Variants in ACER1 observed in about 807,000 individuals in gnomAD.
ACER1 encodes the protein CTB-180A7.3.
In ACER1, 28 loss-of-function variants were observed where a neutral mutation model predicts 24.9. The observed-to-expected ratio is 1.13, with a 90% CI of 0.83 to 1.54. The LOEUF is 1.54. ACER1 is among the 40% of genes most tolerant of loss of function. The probability of loss-of-function intolerance (pLI) is 0.00; values close to 1 mark genes in which losing one functional copy is unlikely to be tolerated. For missense variants in ACER1, 352 were observed against 349.3 expected (o/e 1.01, Z -0.06); for synonymous variants, 132 against 131.4 (o/e 1.00, Z -0.03).
the ACER1 span, among the ~76,000 whole-genome samples, chr19:6,346,519 C>CTT: frequency 1.8e-4 from 23 of 130,932 alleles, no homozygotes; most frequent in Admixed American, 3.1e-4. Context: ...TTTTTCTTTT[C>CTT]TTTTTTTTTT....
chr19:6,350,744 C>G, the ACER1 span, among the ~76,000 whole-genome samples: 2 of 152,084 alleles, frequency 1.3e-5, no homozygotes, highest in Non-Finnish European at 2.9e-5. Flanking sequence ...GGGGGTTGTT[C>G]TCTGTTTTCT....
chr19:6,344,935 G>A, the ACER1 span, among the ~76,000 whole-genome samples: 3 of 150,424 alleles, frequency 2.0e-5, no homozygotes, highest in South Asian at 2.1e-4. Flanking sequence ...GCACGATCTC[G>A]GCTCACTGCA....
chr19:6,358,016 G>GAGGAGTGA, the ACER1 span, among the ~76,000 whole-genome samples: 1 of 152,158 alleles, frequency 6.6e-6, no homozygotes, highest in Non-Finnish European at 1.5e-5. Flanking sequence ...GCAGCGTCCG[G>GAGGAGTGA]AGGAGTGAAG....
the ACER1 span, among the ~76,000 whole-genome samples, chr19:6,347,109 A>AAAAAAAAAAAAAAAAAAAAAAAATATAT: frequency 8.8e-6 from 1 of 113,822 alleles, no homozygotes; most frequent in African/African-American, 5.1e-5. Flanking sequence ...AAAAAAAAAA[A>AAAAAAAAAAAAAAAAAAAAAAAATATAT]ATATATATAT....
intron 1 of ACER1, among the ~76,000 whole-genome samples, chr19:6,318,790 A>AT (rs2091616348): frequency 5.1e-5 from 1 of 19,654 alleles, no homozygotes; most frequent in African/African-American, 1.6e-4. Flanking sequence ...CGTTTCAAAA[A>AT]AAATAAATAA....
In ACER1 at chr19:6,306,691, G is replaced by T; in HGVS notation, c.*23C>A. ...ACACAGGCAAGTTGTTGGGTGGTTG[G>T]ATAGTCAAGAGGCTGGCAGGTCTCA... On this transcript the variant is annotated 3_prime_UTR_variant, in exon 6 of 6. Coordinates refer to ENST00000301452, the MANE Select transcript of ACER1 (RefSeq NM_133492.3). The T allele has an allele frequency of 6.3e-7, 1 of 1,582,600 alleles. No homozygotes were observed. The highest frequency in any genetic ancestry group is 1.3e-5 in the African/African-American group (1 of 74,544).
chr19:6,320,501 C>T (rs1305866579), intron 1 of ACER1, among the ~76,000 whole-genome samples: 10 of 151,892 alleles, frequency 6.6e-5, no homozygotes, highest in Non-Finnish European at 1.0e-4. Flanking sequence ...TTAGTAGAGA[C>T]GGGGTTTCGC....
chr19:6,342,161 T>G, the ACER1 span, among the ~76,000 whole-genome samples: 1 of 152,142 alleles, frequency 6.6e-6, no homozygotes, highest in African/African-American at 2.4e-5. Context: ...TTGGTGAAAT[T>G]TGCACATGGA....
the ACER1 span, among the ~76,000 whole-genome samples, chr19:6,342,241 A>G: frequency 2.0e-5 from 3 of 147,108 alleles, no homozygotes; most frequent in African/African-American, 7.5e-5. Context: ...CTGGTTGTGT[A>G]AGAGAGTATC....
At chr19:6,310,582 A>G (rs2091574339) in intron 3 of ACER1, among the ~76,000 whole-genome samples, 1 of 151,492 alleles carries the variant, frequency 6.6e-6, no homozygotes, top group Non-Finnish European at 1.5e-5. Flanking sequence ...AAACGACAAC[A>G]AGAAAAAGGG....
the ACER1 span, among the ~76,000 whole-genome samples, chr19:6,342,644 A>G: frequency 0.018 from 2,695 of 149,200 alleles, 82 homozygotes; most frequent in African/African-American, 0.062. Context: ...GCGTGAACCC[A>G]GGAGGTGGAG....
intron 1 of ACER1, among the ~76,000 whole-genome samples, chr19:6,329,463 G>A (rs1287506752): frequency 3.3e-5 from 5 of 152,000 alleles, no homozygotes; most frequent in African/African-American, 7.3e-5. Context: ...TGCAACTTTT[G>A]TTTCTGTATG....
At chr19:6,351,708 G>A in the ACER1 span, among the ~76,000 whole-genome samples, 1 of 151,916 alleles carries the variant, frequency 6.6e-6, no homozygotes, top group Admixed American at 6.6e-5. Flanking sequence ...ACTCCAGCCT[G>A]GGTGACAGAG....
At chr19:6,356,868 G>A in the ACER1 span, among the ~76,000 whole-genome samples, 6 of 152,082 alleles carry the variant, frequency 3.9e-5, no homozygotes, top group East Asian at 1.2e-3. Context: ...AGCCAAACAA[G>A]ATAGCAGAAT....
chr19:6,316,787 AC>A (rs2091605169), intron 1 of ACER1, among the ~76,000 whole-genome samples: 1 of 147,892 alleles, frequency 6.8e-6, no homozygotes, highest in Non-Finnish European at 1.5e-5. Context: ...ACCACTGCAC[AC>A]CAGTCTGGGC....
At chr19:6,338,226 A>G (rs1193765587), upstream of ACER1, among the ~76,000 whole-genome samples, 1 of 152,234 alleles carries the variant, frequency 6.6e-6, no homozygotes, top group East Asian at 1.9e-4. Flanking sequence ...TCCTGGGCTC[A>G]AGCAATCTTC....
chr19:6,343,832 T>C, the ACER1 span: 1 of 152,182 alleles, frequency 6.6e-6, no homozygotes, highest in Non-Finnish European at 1.5e-5. Flanking sequence ...GCTGCCTCCA[T>C]CACATTCAGT....
At chr19:6,357,923 T>C in the ACER1 span, among the ~76,000 whole-genome samples, 1 of 152,070 alleles carries the variant, frequency 6.6e-6, no homozygotes, top group East Asian at 1.9e-4. Context: ...GAAGTGAAGC[T>C]GATTAAACAA....
chr19:6,347,131 T>TATATATATATAA, the ACER1 span, among the ~76,000 whole-genome samples: 32 of 134,498 alleles, frequency 2.4e-4, no homozygotes, highest in East Asian at 1.8e-3. Context: ...TATATATATA[T>TATATATATATAA]AAAATAATAA....
Sources: allele counts gnomAD v4.1 joint callset (sites outside exome capture counted in the v4.1 genomes callset), GRCh38; gene constraint gnomAD v4.1.1; transcripts MANE v1.5; gene names NCBI Gene and HGNC (gene_info 2026-07-23, HGNC 2026-07-21).